LEMD3: variants seen among roughly 807,000 people sequenced by gnomAD.
LEMD3 encodes the protein inner nuclear membrane protein Man1.
Under a neutral mutation model 95.2 loss-of-function variants are expected in LEMD3, and 33 were observed. The ratio of observed to expected loss-of-function variants is 0.35; its 90% CI spans 0.26 to 0.46. The LOEUF is 0.46. Ranked by LOEUF, LEMD3 falls within the 20% of genes least tolerant of loss-of-function variation. LEMD3 has a pLI of 1.00. For synonymous variants in LEMD3, 525 were observed against 474.6 expected, an observed-to-expected ratio of 1.11 and a Z score of -1.38; for missense variants, 1,210 against 1,192.8, an observed-to-expected ratio of 1.01 and a Z score of -0.21.
chr12:65,172,984 C>T (rs1868604290), intron 1 of LEMD3, among the ~76,000 whole-genome samples: 1 of 152,094 alleles, frequency 6.6e-6, no homozygotes, highest in African/African-American at 2.4e-5. Flanking sequence ...CCTATTGTAC[C>T]ATCTAATCTT....
At chr12:65,222,017 A>G (rs1057058104) in intron 4 of LEMD3, among the ~76,000 whole-genome samples, 34 of 152,130 alleles carry the variant, frequency 2.2e-4, no homozygotes, top group African/African-American at 8.2e-4. Flanking sequence ...TGCTGGGATT[A>G]TAAGTGTGAG....
rs1209341984 is a variant in LEMD3, at chr12:65,247,222, T to A, written c.*897T>A. The A allele has an allele frequency of 6.6e-6, 1 of 152,584 alleles. No homozygotes were observed. Among genetic ancestry groups the A allele is most frequent in the Non-Finnish European group, 1.5e-5 (1 of 67,996 alleles). The allele number at this position is 152,584 out of a possible 1,614,324, so 9.5% of individuals were successfully genotyped here. On this transcript the variant is annotated 3_prime_UTR_variant, in exon 13 of 13. Coordinates refer to ENST00000308330, the MANE Select transcript of LEMD3 (RefSeq NM_014319.5). The stretch of plus-strand genomic sequence containing the variant: ...ATACCAGTTGTAATAGAGTCAAATT[T>A]ATGTGAGCAATAAAGAAGAAATTGG...
chr12:65,198,668 G>T (rs141179770), intron 1 of LEMD3, among the ~76,000 whole-genome samples: 1 of 152,010 alleles, frequency 6.6e-6, no homozygotes, highest in Non-Finnish European at 1.5e-5. Context: ...ATATAAAATT[G>T]TGTAGAATTT....
At chr12:65,225,356 G>A (rs1419785339) in intron 4 of LEMD3, among the ~76,000 whole-genome samples, 3 of 152,186 alleles carry the variant, frequency 2.0e-5, no homozygotes, top group Non-Finnish European at 2.9e-5. Context: ...TAGACTTTGT[G>A]TGGGGAAAGT....
chr12:65,246,382 CT>C lies in LEMD3; in HGVS notation c.*62del. ...TTACAATAGGAAAATTCCTGTTTGG[CT>C]TTTTGTCTTCCTTTTTAAATGCTTT... On this transcript the variant is annotated 3_prime_UTR_variant, in exon 13 of 13. Coordinates refer to ENST00000308330, the MANE Select transcript of LEMD3 (RefSeq NM_014319.5). 2 of 1,331,732 alleles carry C rather than the reference CT, an allele frequency of 1.5e-6. No homozygotes were observed. The highest frequency in any genetic ancestry group is 1.2e-5 in the South Asian group (1 of 85,300). 82.5% of individuals were successfully genotyped at this position (1,331,732 alleles called of 1,614,324 possible). A position where few individuals can be genotyped will look rare whatever the true frequency, so the allele number is the denominator to read the frequency against.
chr12:65,225,256 A>G (rs535417118), intron 4 of LEMD3, among the ~76,000 whole-genome samples: 1 of 152,068 alleles, frequency 6.6e-6, no homozygotes. Flanking sequence ...TTGATTGACC[A>G]TGTTTTCATG....
chr12:65,184,919 C>G (rs1869013105), intron 1 of LEMD3, among the ~76,000 whole-genome samples: 1 of 152,124 alleles, frequency 6.6e-6, no homozygotes, highest in Middle Eastern at 3.4e-3. Context: ...TTCACATATC[C>G]TCTTCTCCTT....
chr12:65,219,016 T>C (rs1592451742), intron 4 of LEMD3, among the ~76,000 whole-genome samples: 1 of 152,310 alleles, frequency 6.6e-6, no homozygotes, highest in South Asian at 2.1e-4. Context: ...GGTCTCAAAC[T>C]CCTGGCCTCA....
chr12:65,199,112 T>C (rs1869517821), intron 1 of LEMD3, among the ~76,000 whole-genome samples: 1 of 152,198 alleles, frequency 6.6e-6, no homozygotes, highest in Admixed American at 6.5e-5. Context: ...TGATATTTAC[T>C]TAACATCTAA....
At chr12:65,185,512 T>C (rs1869035050) in intron 1 of LEMD3, among the ~76,000 whole-genome samples, 1 of 152,062 alleles carries the variant, frequency 6.6e-6, no homozygotes, top group Non-Finnish European at 1.5e-5. Flanking sequence ...GATTAAAATA[T>C]AAAATATTAT....
chr12:65,204,744 A>G (rs1869711147), intron 1 of LEMD3, among the ~76,000 whole-genome samples: 1 of 152,196 alleles, frequency 6.6e-6, no homozygotes, highest in African/African-American at 2.4e-5. Flanking sequence ...TCCCACCAAT[A>G]GTGTAAAAGC....
intron 1 of LEMD3, among the ~76,000 whole-genome samples, chr12:65,177,867 A>T (rs1868774915): frequency 6.7e-6 from 1 of 149,820 alleles, no homozygotes; most frequent in Non-Finnish European, 1.5e-5. Flanking sequence ...AATATGAGAC[A>T]GGGTCTTGCT....
intron 8 of LEMD3, 124 bp from the exon 9 acceptor site, chr12:65,240,785 C>A (rs1870912057): frequency 3.5e-6 from 3 of 848,242 alleles, no homozygotes. Context: ...TCTAAATCTT[C>A]TTTGAACAAA....
At position 65,198,112 on chromosome 12, in the gene LEMD3, G is replaced by C. The variant is rs146548939; in HGVS notation, c.1523-12814G>C. Among the ~76,000 whole-genome samples, 60 of 152,052 alleles carry C rather than the reference G, an allele frequency of 3.9e-4. 1 individual carries two copies. In the East Asian group the frequency reaches 0.01, roughly 26 times the overall value. On this transcript the variant is annotated intron_variant, in intron 1 of 12. Coordinates refer to ENST00000308330, the MANE Select transcript of LEMD3 (RefSeq NM_014319.5). ...TTTTGGATCTCCAAATTCTTGTTTAGCACTATTCCTTCAGAATTGACTTTG... is the reference window on the plus strand; with the variant it reads ...TTTTGGATCTCCAAATTCTTGTTTACCACTATTCCTTCAGAATTGACTTTG...
chr12:65,217,033 A>G (rs561849141), intron 3 of LEMD3, among the ~76,000 whole-genome samples: 11 of 152,352 alleles, frequency 7.2e-5, no homozygotes, highest in Admixed American at 7.2e-4. Flanking sequence ...TATTGCTAAC[A>G]CAAGCTTCTA....
rs574910058 is a variant in LEMD3, at chr12:65,181,899, T to G, written c.1522+10781T>G. On this transcript the variant is annotated intron_variant, in intron 1 of 12. Transcript: ENST00000308330. ...TTATCCTTTTGACAGAAGTGTTTTG[T>G]TTTTTTTTTTTAATTTCATCTCTAA... 4.2e-4 allele frequency among the ~76,000 whole-genome samples: 58 copies of G among 139,690 alleles called. No individual in the cohort carries two copies. In the South Asian group the frequency reaches 0.012, roughly 30 times the overall value. 91.6% of individuals were successfully genotyped at this position (139,690 alleles called of 152,430 possible).
At chr12:65,243,006 C>T (rs1380991933) in intron 9 of LEMD3, among the ~76,000 whole-genome samples, 2 of 152,168 alleles carry the variant, frequency 1.3e-5, no homozygotes, top group South Asian at 2.1e-4. Context: ...AAGCAATCAC[C>T]TCTGCTTGAA....
At chr12:65,195,781 A>G (rs1356235480) in intron 1 of LEMD3, among the ~76,000 whole-genome samples, 1 of 152,168 alleles carries the variant, frequency 6.6e-6, no homozygotes, top group African/African-American at 2.4e-5. Flanking sequence ...AAGAATTCCT[A>G]GTGATTCAGT....
At chr12:65,191,444 C>CT (rs1432813840) in intron 1 of LEMD3, among the ~76,000 whole-genome samples, 96 of 152,076 alleles carry the variant, frequency 6.3e-4, no homozygotes, top group Non-Finnish European at 9.6e-4. Context: ...TTCTAGAACA[C>CT]TCAGTAACAT....
Sources: gnomAD v4.1 joint callset for allele counts (sites outside exome capture counted in the v4.1 genomes callset) on GRCh38, gnomAD v4.1.1 for gene constraint, MANE v1.5 for transcripts, NCBI Gene and HGNC (gene_info 2026-07-23, HGNC 2026-07-21) for gene names.